NLRP5: variants seen among roughly 807,000 people sequenced by gnomAD.
NLRP5 encodes NLR family pyrin domain containing 5.
A neutral mutation model predicts 113.1 loss-of-function variants in NLRP5; 93 were observed. The ratio of observed to expected loss-of-function variants is 0.82; its 90% CI spans 0.70 to 0.98. NLRP5 has a LOEUF of 0.98. Among genes scored for constraint, NLRP5 ranks in the 50% least tolerant of loss-of-function variants. The pLI, the probability that NLRP5 is intolerant of heterozygous loss-of-function variation, is 0.00. For synonymous variants in NLRP5, 751 were observed against 600.7 expected (o/e 1.25, Z -3.66); for missense variants, 1,808 against 1,514.3 (o/e 1.19, Z -3.22).
intron 2 of NLRP5, 106 bp downstream of exon 2, chr19:56,004,201 T>C: frequency 8.2e-7 from 1 of 1,215,270 alleles, no homozygotes; most frequent in Non-Finnish European, 1.1e-6. Context: ...ACCTCTGCAG[T>C]GTGAGTCTGA....
chr19:56,033,722 T>A lies in NLRP5; in HGVS notation c.2615+13T>A. 6.3e-7 allele frequency: 1 copy of A among 1,594,202 alleles called. No homozygotes were observed. Among genetic ancestry groups the A allele is most frequent in the Non-Finnish European group, 8.5e-7 (1 of 1,170,424 alleles). On this transcript the variant is annotated intron_variant, in intron 9 of 14. Transcript: ENST00000390649. ...TGGAGTCTTTGAGGTACGTCTCTGG[T>A]AGAGCTTTTGCCTTGTTTTTCTTCG...
At chr19:56,030,840 T>A (rs996720433) in intron 7 of NLRP5, among the ~76,000 whole-genome samples, 2 of 149,606 alleles carry the variant, frequency 1.3e-5, no homozygotes, top group African/African-American at 4.9e-5. Flanking sequence ...TCGGCCTCCC[T>A]AGTAGCTGGA....
chr19:55,989,721 A>G, the NLRP5 span, among the ~76,000 whole-genome samples: 1 of 152,088 alleles, frequency 6.6e-6, no homozygotes, highest in Non-Finnish European at 1.5e-5. Context: ...TTCTGTGCTG[A>G]TTGTTGTGCA....
chr19:56,033,442 T>G, intron 8 of NLRP5, 100 bp from the exon 9 acceptor site: 1 of 901,616 alleles, frequency 1.1e-6, no homozygotes. Context: ...TACAATTAAT[T>G]AGAAATTTGC....
At chr19:56,055,860 T>C (rs1031812983) in intron 13 of NLRP5, among the ~76,000 whole-genome samples, 1 of 152,138 alleles carries the variant, frequency 6.6e-6, no homozygotes, top group Non-Finnish European at 1.5e-5. Context: ...TTCTGTCTTC[T>C]AAATGCAGTG....
intron 13 of NLRP5, among the ~76,000 whole-genome samples, chr19:56,055,610 A>C (rs893231774): frequency 8.0e-6 from 1 of 125,494 alleles, no homozygotes; most frequent in African/African-American, 3.1e-5. Context: ...CAGTGGCGCG[A>C]TCTCAGCTCA....
chr19:56,057,255 C>A (rs1001902684), intron 13 of NLRP5, among the ~76,000 whole-genome samples: 2 of 152,206 alleles, frequency 1.3e-5, no homozygotes, highest in Non-Finnish European at 2.9e-5. Context: ...TATTTCAGAG[C>A]AGCTTACGGA....
Position 56,061,534 on chromosome 19 carries a change from CG to C in NLRP5, c.*8del. ...GGTACTGGTGGAAAAACTGAAGATACGGAAACCTGCCCCACTCACACCCATC... is the reference window on the plus strand; with the variant it reads ...GGTACTGGTGGAAAAACTGAAGATACGAAACCTGCCCCACTCACACCCATC... On this transcript the variant is annotated 3_prime_UTR_variant, in exon 15 of 15. Transcript: ENST00000390649. 1 of 1,613,838 alleles carries C rather than the reference CG, an allele frequency of 6.2e-7. No individual in the cohort carries two copies. Among genetic ancestry groups the C allele is most frequent in the Non-Finnish European group, 8.5e-7 (1 of 1,179,812 alleles).
At chr19:55,990,079 C>CTTTTCTTTTCTTTTTT in the NLRP5 span, among the ~76,000 whole-genome samples, 2 of 95,958 alleles carry the variant, frequency 2.1e-5, no homozygotes, top group Non-Finnish European at 4.0e-5. Context: ...TTTCTTTTTT[C>CTTTTCTTTTCTTTTTT]TTTTTTTTTT....
chr19:56,035,866 T>C (rs1183437320), intron 9 of NLRP5, among the ~76,000 whole-genome samples: 1 of 151,628 alleles, frequency 6.6e-6, no homozygotes, highest in Non-Finnish European at 1.5e-5. Context: ...GGGTTTCCAT[T>C]CACTATCACA....
chr19:56,039,643 T>A (rs1320291911), intron 10 of NLRP5, among the ~76,000 whole-genome samples: 1 of 152,196 alleles, frequency 6.6e-6, no homozygotes, highest in African/African-American at 2.4e-5. Context: ...CCAGGTGTGG[T>A]GGCTCACGCC....
chr19:56,023,845 G>C (rs1455771194), intron 6 of NLRP5, among the ~76,000 whole-genome samples: 2 of 152,206 alleles, frequency 1.3e-5, no homozygotes, highest in Non-Finnish European at 2.9e-5. Flanking sequence ...GAATTTTTAT[G>C]TGGAGACTTT....
chr19:56,015,826 TGC>T, intron 4 of NLRP5, 28 bp downstream of exon 4: 2 of 1,524,228 alleles, frequency 1.3e-6, no homozygotes, highest in Non-Finnish European at 1.8e-6. Context: ...ATTCATTTGT[TGC>T]CCTCCTGGAA....
intron 10 of NLRP5, among the ~76,000 whole-genome samples, 159 bp downstream of exon 10, chr19:56,038,354 T>C (rs1015188893): frequency 3.9e-5 from 6 of 152,132 alleles, no homozygotes; most frequent in Admixed American, 3.3e-4. Context: ...GTGTGGGGTG[T>C]AAGAGTGACC....
chr19:56,011,231 A>G (rs56289104), intron 3 of NLRP5, among the ~76,000 whole-genome samples: 9,481 of 152,100 alleles, frequency 0.062, 343 homozygotes, highest in Middle Eastern at 0.088. Context: ...TAAGTGAAGG[A>G]AACCATCACA....
At chr19:56,038,273 GT>G (rs1169340397) in intron 10 of NLRP5, 78 bp downstream of exon 10, 54 of 1,472,350 alleles carry the variant, frequency 3.7e-5, no homozygotes, top group Admixed American at 1.7e-5. Context: ...CCAGGTCATG[GT>G]GGGAGGGAAA....
At chr19:56,013,513 A>G (rs1183848212) in intron 3 of NLRP5, among the ~76,000 whole-genome samples, 2 of 150,400 alleles carry the variant, frequency 1.3e-5, no homozygotes, top group African/African-American at 4.9e-5. Context: ...CTGTCTCAGG[A>G]CTTCATAACT....
rs1599917028 is a variant in NLRP5, at chr19:56,059,172, A to G, written c.3470+762A>G. On this transcript the variant is annotated intron_variant, in intron 14 of 14. Coordinates refer to ENST00000390649, the MANE Select transcript of NLRP5 (RefSeq NM_153447.4). The stretch of plus-strand genomic sequence containing the variant: ...TGAATGTAGTTAACAGCACTGAACA[A>G]TTCACCTAGCAGGAAGTTTCTTCAG... Among the ~76,000 whole-genome samples the G allele has an allele frequency of 2.6e-5, 4 of 152,336 alleles. No individual in the cohort carries two copies. In the Middle Eastern group the frequency reaches 0.014, roughly 518 times the overall value.
the NLRP5 span, among the ~76,000 whole-genome samples, chr19:55,990,478 G>A: frequency 6.6e-6 from 1 of 151,862 alleles, no homozygotes; most frequent in Non-Finnish European, 1.5e-5. Context: ...ATCATTTGAG[G>A]TCAGGGGTTT....
Sources: allele counts gnomAD v4.1 joint callset (sites outside exome capture counted in the v4.1 genomes callset), GRCh38; gene constraint gnomAD v4.1.1; transcripts MANE v1.5; gene names NCBI Gene and HGNC (gene_info 2026-07-23, HGNC 2026-07-21).